Variants in XRCC6 observed in about 807,000 individuals in gnomAD.
The protein encoded by XRCC6 is X-ray repair cross complementing 6.
XRCC6 carries 5 observed loss-of-function variants against 65.7 expected under a neutral mutation model. That is an observed-to-expected ratio of 0.08 (90% CI 0.04 to 0.16). XRCC6 has a LOEUF of 0.16. XRCC6 is among the 10% of genes least tolerant of loss of function. The pLI, the probability that XRCC6 is intolerant of heterozygous loss-of-function variation, is 1.00. For synonymous variants in XRCC6, 270 were observed against 270.6 expected (o/e 1.00, Z 0.02); for missense variants, 447 against 738.1 (o/e 0.61, Z 4.57).
chr22:41,649,603 C>A (rs1295368160), intron 7 of XRCC6, among the ~76,000 whole-genome samples: 1 of 151,878 alleles, frequency 6.6e-6, no homozygotes, highest in Non-Finnish European at 1.5e-5. Flanking sequence ...GCCTGTAATC[C>A]CAGCACTTTG....
At chr22:41,630,883 C>T (rs977259409) in intron 3 of XRCC6, among the ~76,000 whole-genome samples, 3 of 152,196 alleles carry the variant, frequency 2.0e-5, no homozygotes, top group African/African-American at 4.8e-5. Context: ...GACACGGCAA[C>T]CATCCGATTT....
At chr22:41,651,780 C>T (rs752528942) in intron 8 of XRCC6, among the ~76,000 whole-genome samples, 6 of 149,594 alleles carry the variant, frequency 4.0e-5, no homozygotes, top group African/African-American at 9.9e-5. Flanking sequence ...CTGCACCTGG[C>T]CTTATTTATA....
At chr22:41,631,260 GCT>G (rs2067745448) in intron 3 of XRCC6, among the ~76,000 whole-genome samples, 1 of 150,328 alleles carries the variant, frequency 6.7e-6, no homozygotes, top group Non-Finnish European at 1.5e-5. Context: ...GGCTGGCCTG[GCT>G]GGGGCTGACC....
intron 2 of XRCC6, among the ~76,000 whole-genome samples, chr22:41,623,020 C>A (rs760753780): frequency 6.6e-6 from 1 of 151,992 alleles, no homozygotes. Flanking sequence ...TCTAACACAA[C>A]CACTACCAGC....
chr22:41,655,222 G>A (rs879624422), intron 9 of XRCC6, among the ~76,000 whole-genome samples: 8 of 151,962 alleles, frequency 5.3e-5, no homozygotes, highest in Non-Finnish European at 1.0e-4. Context: ...AAAGGTGAGA[G>A]TTCTTGACTT....
rs1270734225 is a variant in XRCC6 at position 41,628,228 on chromosome 22, C to G, written c.193C>G (p.Gln65Glu). Reference protein sequence around the residue: ...DELTPFDMSIQCIQSVYISKI... With the variant: ...DELTPFDMSIECIQSVYISKI... Reference sequence around the variant, plus strand: ...GTTGACACCTTTTGACATGAGCATCCAGGTAAGACTACCTTTTAATTTAAG... The same window carrying G: ...GTTGACACCTTTTGACATGAGCATCGAGGTAAGACTACCTTTTAATTTAAG... The change falls in exon 3 of 13, where the codon CAG becomes GAG. Residue 65 changes from glutamine (Q) to glutamate (E), a missense_variant and splice_region_variant. Around this residue, in one of 4 missense-constraint regions of XRCC6, gnomAD observed 228 missense variants for 307.4 expected, o/e 0.74. Coordinates refer to ENST00000360079, the MANE Select transcript of XRCC6 (RefSeq NM_001469.5). 1 of 1,610,258 alleles carries G rather than the reference C, an allele frequency of 6.2e-7. No individual in the cohort carries two copies.
intron 3 of XRCC6, among the ~76,000 whole-genome samples, chr22:41,632,806 G>GAGTA (rs2067769568): frequency 1.3e-5 from 2 of 149,948 alleles, no homozygotes; most frequent in African/African-American, 4.9e-5. Context: ...CTGGGCAACA[G>GAGTA]AGTAAGACCC....
chr22:41,626,631 GTTTT>G (rs921225213), intron 2 of XRCC6, among the ~76,000 whole-genome samples: 1 of 111,512 alleles, frequency 9.0e-6, no homozygotes, highest in South Asian at 3.0e-4. Context: ...ATGTTTGTTT[GTTTT>G]TTTTTTTGTT....
intron 2 of XRCC6, among the ~76,000 whole-genome samples, chr22:41,626,997 A>T (rs2067684189): frequency 6.6e-6 from 1 of 152,060 alleles, no homozygotes; most frequent in South Asian, 2.1e-4. Flanking sequence ...GCTGGTCTCG[A>T]ACTCCTGATC....
chr22:41,621,559 C>T (rs1310388463), intron 1 of XRCC6: 5 of 168,278 alleles, frequency 3.0e-5, no homozygotes, highest in Non-Finnish European at 5.2e-5. Context: ...GCGTTTGAGG[C>T]CCGCCTGCGC....
chr22:41,639,329 CTTTTTTTTTTTTT>C lies in XRCC6; in HGVS notation c.773+1551_773+1563del, dbSNP rs386395480. Among the ~76,000 whole-genome samples, 14 of 64,584 alleles carry C rather than the reference CTTTTTTTTTTTTT, an allele frequency of 2.2e-4. No individual in the cohort carries two copies. In the East Asian group the frequency reaches 7.6e-3, roughly 35 times the overall value. 42.4% of individuals were successfully genotyped at this position (64,584 alleles called of 152,430 possible). ...GGAACCAGATTGCTAGATTCTTTTTCTTTTTTTTTTTTTTTTTTTTTTTTTGAGACAAAGTCTC... is the reference window on the plus strand; with the variant it reads ...GGAACCAGATTGCTAGATTCTTTTTCTTTTTTTTTTTTGAGACAAAGTCTC... On this transcript the variant is annotated intron_variant, in intron 6 of 12. Coordinates refer to ENST00000360079, the MANE Select transcript of XRCC6 (RefSeq NM_001469.5).
rs368356195 is a variant in XRCC6, at chr22:41,636,745, C to G, written c.564C>G (p.Thr188=). Residue 188 remains threonine, a synonymous_variant, in exon 5 of 13, where the codon ACC becomes ACG. Transcript: ENST00000360079. Reference sequence around the variant, plus strand: ...GTGCCAAAGCCAGCCGGGCCAGGACCAAAGCCGGTGATCTCCGAGATACAG... The same window carrying G: ...GTGCCAAAGCCAGCCGGGCCAGGACGAAAGCCGGTGATCTCCGAGATACAG... ...NDSAKASRAR[T]KAGDLRDTGI... is the part of the protein sequence containing the mutation. 60 of 1,614,058 alleles carry G rather than the reference C, an allele frequency of 3.7e-5. No homozygotes were observed. Among genetic ancestry groups the G allele is most frequent in the Non-Finnish European group, 4.8e-5 (57 of 1,180,050 alleles).
chr22:41,659,498 G>A lies in XRCC6; in HGVS notation c.1522+1146G>A, dbSNP rs568886431. On this transcript the variant is annotated intron_variant, in intron 11 of 12. Coordinates refer to ENST00000360079, the MANE Select transcript of XRCC6 (RefSeq NM_001469.5). ...TGGGATTACAAGCAGGAGGCGCTGC[G>A]CACGGCCTATTTTGTGTTTTTATTA... Among the ~76,000 whole-genome samples, 31 of 150,584 alleles carry A rather than the reference G, an allele frequency of 2.1e-4. No homozygotes were observed. The East Asian group carries it at 5.2e-3, about 25-fold the overall frequency.
At chr22:41,660,645 A>G (rs2068091143) in intron 11 of XRCC6, among the ~76,000 whole-genome samples, 1 of 151,916 alleles carries the variant, frequency 6.6e-6, no homozygotes, top group Non-Finnish European at 1.5e-5. Context: ...TTCCAGCTAT[A>G]TGTCACCTGC....
chr22:41,637,882 T>C (rs1021417748), intron 6 of XRCC6, 91 bp downstream of exon 6: 63 of 1,400,174 alleles, frequency 4.5e-5, no homozygotes, highest in Non-Finnish European at 5.8e-5. Flanking sequence ...CCCAACAGTT[T>C]GGGAGGCCAA....
At chr22:41,656,207 T>C (rs2068043119) in intron 9 of XRCC6, among the ~76,000 whole-genome samples, 1 of 113,102 alleles carries the variant, frequency 8.8e-6, no homozygotes. Context: ...GATAGCAAGA[T>C]CCTGTCTCAA....
chr22:41,633,275 A>C (rs748808424), intron 3 of XRCC6, among the ~76,000 whole-genome samples: 4 of 152,206 alleles, frequency 2.6e-5, no homozygotes, highest in South Asian at 2.1e-4. Context: ...CTGATTCTCT[A>C]TGTCTAGAAT....
rs1318995663 is a variant in XRCC6 at position 41,621,982 on chromosome 22, T to C, written c.-15-8T>C. 6.2e-7 allele frequency: 1 copy of C among 1,613,896 alleles called. No homozygotes were observed. Among genetic ancestry groups the C allele is most frequent in the Non-Finnish European group, 8.5e-7 (1 of 1,179,850 alleles). The stretch of plus-strand genomic sequence containing the variant: ...TGCCTGTTACTGACGTTAACGTCTT[T>C]CGCCTAGTGAGCAGTAGCCAACATG... On this transcript the variant is annotated splice_region_variant and splice_polypyrimidine_tract_variant and intron_variant, in intron 1 of 12. Coordinates refer to ENST00000360079, the MANE Select transcript of XRCC6 (RefSeq NM_001469.5).
rs201495985 is a variant in XRCC6 at position 41,661,291 on chromosome 22, G to C, written c.1523-40G>C. The C allele has an allele frequency of 1.9e-6, 3 of 1,575,866 alleles. No homozygotes were observed. In the East Asian group the frequency reaches 6.7e-5, roughly 35 times the overall value. ...GGAAGTGGACAGCAAGCTGGGGCTC[G>C]TGACTCACCAGGCCACTCTTCTGTG... On this transcript the variant is annotated intron_variant, in intron 11 of 12. Transcript: ENST00000360079.
Sources: allele counts gnomAD v4.1 joint callset (sites outside exome capture counted in the v4.1 genomes callset), GRCh38; gene constraint gnomAD v4.1.1; regional missense constraint gnomAD v4.1.1; transcripts MANE v1.5; gene names NCBI Gene and HGNC (gene_info 2026-07-23, HGNC 2026-07-21).